The following H2AZ2 variants were observed in gnomAD, a reference collection of about 807,000 sequenced individuals.
The protein encoded by H2AZ2 is H2A.Z variant histone 2.
Under a neutral mutation model 15.5 loss-of-function variants are expected in H2AZ2, and 5 were observed. The observed-to-expected ratio is 0.32, with a 90% confidence interval of 0.17 to 0.68. The LOEUF (loss-of-function observed/expected upper bound fraction) is 0.68, where lower values mean the gene tolerates loss of function less well. Among genes scored for constraint, H2AZ2 ranks in the 30% least tolerant of loss-of-function variants. H2AZ2 has a pLI of 0.72. For missense variants in H2AZ2, 42 were observed against 162.5 expected, an observed-to-expected ratio of 0.26 and a Z score of 4.03; for synonymous variants, 44 against 57.4, an observed-to-expected ratio of 0.77 and a Z score of 1.05.
At chr7:44,845,534 T>G (rs1793377060) in intron 1 of H2AZ2, among the ~76,000 whole-genome samples, 1 of 152,162 alleles carries the variant, frequency 6.6e-6, no homozygotes, top group Non-Finnish European at 1.5e-5. Context: ...CATCTAAAAT[T>G]ATAATCACTG....
intron 3 of H2AZ2, among the ~76,000 whole-genome samples, 174 bp from the exon 4 acceptor site, chr7:44,835,832 A>G (rs1022202512): frequency 1.3e-5 from 2 of 152,134 alleles, no homozygotes; most frequent in Non-Finnish European, 2.9e-5. Context: ...AACTTCATTT[A>G]TATTCATTCT....
At chr7:44,834,607 TGCCTCAA>T (rs1793071948) in intron 4 of H2AZ2, 45 bp from the exon 5 acceptor site, 1 of 1,530,426 alleles carries the variant, frequency 6.5e-7, no homozygotes, top group African/African-American at 1.4e-5. Flanking sequence ...TTAAAGTTTT[TGCCTCAA>T]GTAAAAAGTT....
downstream of H2AZ2, chr7:44,827,346 T>C (rs1160686695): frequency 2.6e-5 from 4 of 152,226 alleles, no homozygotes; most frequent in African/African-American, 4.8e-5. Flanking sequence ...TCAGCATCTG[T>C]GGAGGTTAGC....
chr7:44,831,948 T>G (rs1793005940), downstream of H2AZ2, among the ~76,000 whole-genome samples: 1 of 152,140 alleles, frequency 6.6e-6, no homozygotes, highest in South Asian at 2.1e-4. Flanking sequence ...TGAATTATTT[T>G]TGTGAAAAAG....
At chr7:44,846,056 C>CAGAGAGAG (rs1172162419) in intron 1 of H2AZ2, among the ~76,000 whole-genome samples, 9 of 91,714 alleles carry the variant, frequency 9.8e-5, no homozygotes, top group South Asian at 3.0e-4. Context: ...CACACACACA[C>CAGAGAGAG]ACACACAGAG....
chr7:44,847,906 G>T, intron 1 of H2AZ2, 63 bp downstream of exon 1: 3 of 1,530,370 alleles, frequency 2.0e-6, no homozygotes, highest in East Asian at 2.7e-5. Context: ...CGGCGCCGAC[G>T]CCAGGGCCTC....
chr7:44,847,950 C>G lies in H2AZ2; in HGVS notation c.3+19G>C. 6.7e-7 allele frequency: 1 copy of G among 1,501,162 alleles called. No homozygotes were observed. Among genetic ancestry groups the G allele is most frequent in the Middle Eastern group, 1.7e-4 (1 of 5,746 alleles). The allele number at this position is 1,501,162 out of a possible 1,614,324, so 93.0% of individuals were successfully genotyped here. A position where few individuals can be genotyped will look rare whatever the true frequency, so the allele number is the denominator to read the frequency against. ...GCTCTCCCAGGCCCCGTGCCCCCGG[C>G]CCACCCGGCCGCCCTTACCATGTTC... is the stretch of plus-strand genomic sequence containing the variant. On this transcript the variant is annotated intron_variant, in intron 1 of 4. Transcript: ENST00000308153.
rs556578443 is a variant in H2AZ2, at chr7:44,834,681, A to C, written c.326-119T>G. 15 of 904,382 alleles carry C rather than the reference A, an allele frequency of 1.7e-5. No homozygotes were observed. The East Asian group carries it at 4.0e-4, about 24-fold the overall frequency. The allele number at this position is 904,382 out of a possible 1,614,324, so 56.0% of individuals were successfully genotyped here. A position where few individuals can be genotyped will look rare whatever the true frequency, so the allele number is the denominator to read the frequency against. On this transcript the variant is annotated intron_variant, in intron 4 of 4. Transcript: ENST00000308153. ...CCTTTTCATATTCTGATACTGTTAA[A>C]CTATCTATACCAATGGCTACACCCC... is the stretch of plus-strand genomic sequence containing the variant.
intron 1 of H2AZ2, among the ~76,000 whole-genome samples, chr7:44,845,894 GTATA>G (rs1454919784): frequency 7.9e-5 from 12 of 152,018 alleles, no homozygotes; most frequent in Non-Finnish European, 1.6e-4. Context: ...CCCTCAAACT[GTATA>G]TATAGCCTCC....
downstream of H2AZ2, among the ~76,000 whole-genome samples, chr7:44,831,506 G>T (rs969306947): frequency 2.6e-5 from 4 of 151,542 alleles, no homozygotes; most frequent in African/African-American, 9.7e-5. Context: ...TCAGCCAAAG[G>T]AAAGTCTGTT....
chr7:44,834,598 TA>T, intron 4 of H2AZ2, 36 bp from the exon 5 acceptor site: 3 of 1,552,604 alleles, frequency 1.9e-6, no homozygotes, highest in Non-Finnish European at 2.6e-6. Flanking sequence ...TAAAAACTTT[TA>T]AAGTTTTTGC....
intron 1 of H2AZ2, among the ~76,000 whole-genome samples, chr7:44,843,596 TTGCCC>T (rs1793329077): frequency 6.6e-6 from 1 of 152,226 alleles, no homozygotes; most frequent in Non-Finnish European, 1.5e-5. Context: ...TCTAGCTCTG[TTGCCC>T]AGGCTGGAGT....
Position 44,835,283 on chromosome 7 carries a change from C to A in H2AZ2, c.325+246G>T, listed in dbSNP as rs548032027. On this transcript the variant is annotated intron_variant, in intron 4 of 4. Coordinates refer to ENST00000308153, the MANE Select transcript of H2AZ2 (RefSeq NM_012412.5). ...TATGGGAAATATGTTAAACATCAGG[C>A]TTTAAGTATCATATGAAATTTAGAC... 5.8e-5 allele frequency: 25 copies of A among 430,170 alleles called. No individual in the cohort carries two copies. In the South Asian group the frequency reaches 1.7e-3, roughly 30 times the overall value. The allele number at this position is 430,170 out of a possible 1,614,324, so 26.6% of individuals were successfully genotyped here. A position where few individuals can be genotyped will look rare whatever the true frequency, so the allele number is the denominator to read the frequency against.
Position 44,832,381 on chromosome 7 carries a change from CA to C in H2AZ2, c.*2119del, listed in dbSNP as rs1193596302. Among the ~76,000 whole-genome samples the C allele has an allele frequency of 4.6e-5, 7 of 152,098 alleles. No homozygotes were observed. The highest frequency in any genetic ancestry group is 2.0e-4 in the Admixed American group (3 of 15,270). On this transcript the variant is annotated 3_prime_UTR_variant, in exon 5 of 5. Coordinates refer to ENST00000308153, the MANE Select transcript of H2AZ2 (RefSeq NM_012412.5). Reference sequence around the variant, plus strand: ...AAATACTATGCCTGTTAATGGGACTCAAACTGATCCCTGTGGGTTGGGGCAG... The same window carrying C: ...AAATACTATGCCTGTTAATGGGACTCAACTGATCCCTGTGGGTTGGGGCAG...
At chr7:44,829,767 C>G (rs564257571), downstream of H2AZ2, 22 of 178,474 alleles carry the variant, frequency 1.2e-4, no homozygotes, top group South Asian at 2.8e-3. Context: ...TAACTATAAC[C>G]CTTTCACTCC....
chr7:44,828,420 G>C (rs1792954691), downstream of H2AZ2: 1 of 152,140 alleles, frequency 6.6e-6, no homozygotes, highest in African/African-American at 2.4e-5. Flanking sequence ...TCAGGTGTTG[G>C]AACTCTTTGA....
Position 44,833,647 on chromosome 7 carries a change from G to A in H2AZ2, c.*854C>T. On this transcript the variant is annotated 3_prime_UTR_variant, in exon 5 of 5. Transcript: ENST00000308153. ...ATTACAGGCGTAAACCACAATGCCA[G>A]GCCAAAAATTGGGATTTTAAACCAA... 1 of 982,552 alleles carries A rather than the reference G, an allele frequency of 1.0e-6. No homozygotes were observed. Among genetic ancestry groups the A allele is most frequent in the Non-Finnish European group, 1.2e-6 (1 of 827,284 alleles). 60.9% of individuals were successfully genotyped at this position (982,552 alleles called of 1,614,324 possible). A position where few individuals can be genotyped will look rare whatever the true frequency, so the allele number is the denominator to read the frequency against.
intron 3 of H2AZ2, among the ~76,000 whole-genome samples, chr7:44,836,723 G>A (rs1206929162): frequency 6.6e-6 from 1 of 151,992 alleles, no homozygotes; most frequent in African/African-American, 2.4e-5. Flanking sequence ...TCGGCTAGGC[G>A]CGGTGGCTCA....
chr7:44,844,969 G>A (rs901248446), intron 1 of H2AZ2, among the ~76,000 whole-genome samples: 2 of 151,954 alleles, frequency 1.3e-5, no homozygotes, highest in Non-Finnish European at 2.9e-5. Flanking sequence ...CATATATTTT[G>A]CTTTTACCAT....
Sources: allele counts gnomAD v4.1 joint callset (sites outside exome capture counted in the v4.1 genomes callset), GRCh38; gene constraint gnomAD v4.1.1; transcripts MANE v1.5; gene names NCBI Gene and HGNC (gene_info 2026-07-23, HGNC 2026-07-21).